The following ANKRD13C variants were observed in gnomAD, a reference collection of about 807,000 sequenced individuals.
The protein encoded by ANKRD13C is ankyrin repeat domain 13C, also known as ankyrin repeat domain-containing protein 13C.
Under a neutral mutation model 65.5 loss-of-function variants are expected in ANKRD13C, and 16 were observed. That is an observed-to-expected ratio of 0.24 (90% confidence interval 0.17 to 0.37). The LOEUF is 0.37. ANKRD13C is among the 10% of genes least tolerant of loss of function. ANKRD13C has a pLI of 1.00. For synonymous variants in ANKRD13C, 235 were observed against 238.7 expected, an observed-to-expected ratio of 0.98 and a Z score of 0.14; for missense variants, 503 against 655.9, an observed-to-expected ratio of 0.77 and a Z score of 2.55.
intron 11 of ANKRD13C, among the ~76,000 whole-genome samples, chr1:70,273,031 A>T (rs1395540805): frequency 1.3e-5 from 2 of 150,926 alleles, no homozygotes; most frequent in African/African-American, 4.9e-5. Flanking sequence ...ATAAAATAAT[A>T]AAATAAAATT....
chr1:70,335,417 AAAG>A (rs1283083185), intron 2 of ANKRD13C, among the ~76,000 whole-genome samples: 2 of 151,786 alleles, frequency 1.3e-5, no homozygotes, highest in Non-Finnish European at 2.9e-5. Flanking sequence ...AAAAAAAAAA[AAAG>A]AAAAAATTTT....
At chr1:70,291,228 C>T (rs549762025) in intron 9 of ANKRD13C, among the ~76,000 whole-genome samples, 8 of 152,100 alleles carry the variant, frequency 5.3e-5, no homozygotes, top group Admixed American at 1.3e-4. Flanking sequence ...ACCATGTTGG[C>T]CAAGCTGGTC....
At position 70,259,571 on chromosome 1, in the gene ANKRD13C, T is replaced by C. The variant is rs1268181629; in HGVS notation, c.*3146A>G. On this transcript the variant is annotated 3_prime_UTR_variant, in exon 13 of 13. Coordinates refer to ENST00000370944, the MANE Select transcript of ANKRD13C (RefSeq NM_030816.5). ...GAAATTTTTAGGTGGCAACCAGAGT[T>C]AGTTACTATTGCCCCAGATTTCTGA... Among the ~76,000 whole-genome samples, 1 of 152,196 alleles carries C rather than the reference T, an allele frequency of 6.6e-6. No individual in the cohort carries two copies. The highest frequency in any genetic ancestry group is 1.5e-5 in the Non-Finnish European group (1 of 68,026).
In ANKRD13C at chr1:70,322,906, T is replaced by G. The variant is rs1349877374; in HGVS notation, c.577+1947A>C. Among the ~76,000 whole-genome samples the G allele has an allele frequency of 2.0e-5, 3 of 151,996 alleles. No individual in the cohort carries two copies. The South Asian group carries it at 6.2e-4, about 32-fold the overall frequency. ...ACTTGGGAGGCTGGGGCAGGAGAAT[T>G]GCTTCAACCCGGGAGGCAGAGGTTG... On this transcript the variant is annotated intron_variant, in intron 3 of 12. Coordinates refer to ENST00000370944, the MANE Select transcript of ANKRD13C (RefSeq NM_030816.5).
intron 1 of ANKRD13C, among the ~76,000 whole-genome samples, chr1:70,337,363 C>A (rs1406798683): frequency 6.6e-6 from 1 of 151,956 alleles, no homozygotes; most frequent in Non-Finnish European, 1.5e-5. Context: ...GCAGATCACC[C>A]GAGGTCAAGA....
chr1:70,331,916 T>TA (rs1233081926), intron 2 of ANKRD13C, among the ~76,000 whole-genome samples: 5 of 149,648 alleles, frequency 3.3e-5, no homozygotes, highest in African/African-American at 1.2e-4. Context: ...CAACCAAATA[T>TA]AAAAAATATC....
chr1:70,349,941 G>A (rs1395682731), intron 1 of ANKRD13C, among the ~76,000 whole-genome samples: 5 of 152,134 alleles, frequency 3.3e-5, no homozygotes, highest in Non-Finnish European at 5.9e-5. Context: ...TTCCAGACCA[G>A]CCTGGCCAAC....
intron 9 of ANKRD13C, among the ~76,000 whole-genome samples, chr1:70,284,578 AAGAC>A (rs1432223317): frequency 3.0e-4 from 46 of 152,206 alleles, no homozygotes; most frequent in Admixed American, 4.6e-4. Flanking sequence ...AACTATAACA[AAGAC>A]AGACTAAGAA....
intron 7 of ANKRD13C, among the ~76,000 whole-genome samples, chr1:70,298,138 C>T (rs901925984): frequency 1.3e-5 from 2 of 152,076 alleles, no homozygotes; most frequent in African/African-American, 4.8e-5. Context: ...AACTGTTAAA[C>T]ACTATACTTC....
At chr1:70,267,393 T>C (rs1288179084) in intron 12 of ANKRD13C, among the ~76,000 whole-genome samples, 1 of 152,088 alleles carries the variant, frequency 6.6e-6, no homozygotes, top group African/African-American at 2.4e-5. Flanking sequence ...ATTGAAACAA[T>C]CCTGCTCTGT....
chr1:70,337,827 C>T (rs1281098954), intron 1 of ANKRD13C, among the ~76,000 whole-genome samples: 1 of 152,116 alleles, frequency 6.6e-6, no homozygotes, highest in African/African-American at 2.4e-5. Flanking sequence ...CAGCCGGGCA[C>T]GGTGGCTCAC....
intron 5 of ANKRD13C, among the ~76,000 whole-genome samples, chr1:70,311,367 C>T (rs1245588654): frequency 6.6e-6 from 1 of 152,036 alleles, no homozygotes; most frequent in Non-Finnish European, 1.5e-5. Context: ...CCCAGCTACT[C>T]GGGAGGCTGA....
At chr1:70,299,508 T>C (rs1322981744) in intron 7 of ANKRD13C, among the ~76,000 whole-genome samples, 5 of 152,146 alleles carry the variant, frequency 3.3e-5, no homozygotes, top group Non-Finnish European at 7.4e-5. Flanking sequence ...TTTCCAATGG[T>C]CCAGTTGAGA....
chr1:70,310,564 A>G (rs1680806001), intron 5 of ANKRD13C, among the ~76,000 whole-genome samples: 2 of 152,260 alleles, frequency 1.3e-5, no homozygotes, highest in African/African-American at 4.8e-5. Context: ...TCAATTATGC[A>G]ACATTTATAA....
intron 1 of ANKRD13C, among the ~76,000 whole-genome samples, chr1:70,349,979 T>C (rs547412080): frequency 1.3e-5 from 2 of 152,040 alleles, no homozygotes; most frequent in African/African-American, 4.8e-5. Context: ...CTACTAAAAA[T>C]ACAAAAATAC....
At chr1:70,293,053 T>A (rs970341590) in intron 8 of ANKRD13C, among the ~76,000 whole-genome samples, 1 of 152,158 alleles carries the variant, frequency 6.6e-6, no homozygotes. Context: ...CATTCTCTAT[T>A]CTCTAACAGG....
At chr1:70,353,762 T>C (rs746477940) in intron 1 of ANKRD13C, among the ~76,000 whole-genome samples, 11 of 152,020 alleles carry the variant, frequency 7.2e-5, no homozygotes, top group Non-Finnish European at 1.3e-4. Context: ...ACGACAAACT[T>C]TGAAGTGGGC....
At chr1:70,324,807 C>T (rs753025739) in intron 3 of ANKRD13C, 46 bp downstream of exon 3, 2 of 1,353,648 alleles carry the variant, frequency 1.5e-6, no homozygotes, top group Admixed American at 2.0e-5. Context: ...TGCATCACTT[C>T]ATATTTTTAG....
Position 70,354,337 on chromosome 1 carries a change from C to T in ANKRD13C, c.72G>A (p.Glu24=). The T allele has an allele frequency of 6.2e-7, 1 of 1,614,140 alleles. No individual in the cohort carries two copies. The highest frequency in any genetic ancestry group is 8.5e-7 in the Non-Finnish European group (1 of 1,180,030). ...CAGCCGCCGCTTCCTCATCCCCGGG[C>T]TCCAGCAGGTCCCCTTCTTCTTTGC... The part of the protein sequence containing the change: ...KPSKEEGDLL[E]PGDEEAAAAL... Residue 24 remains glutamate, a synonymous_variant, in exon 1 of 13, where the codon GAG becomes GAA. Transcript: ENST00000370944.
Sources: gnomAD v4.1 joint callset for allele counts (sites outside exome capture counted in the v4.1 genomes callset) on GRCh38, gnomAD v4.1.1 for gene constraint, MANE v1.5 for transcripts, NCBI Gene and HGNC (gene_info 2026-07-23, HGNC 2026-07-21) for gene names.